LTN1: variants seen among roughly 807,000 people sequenced by gnomAD.
LTN1 encodes the protein E3 ubiquitin-protein ligase listerin.
A neutral mutation model predicts 201.2 loss-of-function variants in LTN1; 88 were observed. That is an observed-to-expected ratio of 0.44 (90% confidence interval 0.37 to 0.52). The LOEUF (loss-of-function observed/expected upper bound fraction) is 0.52. Ranked by LOEUF, LTN1 falls within the 20% of genes least tolerant of loss-of-function variation. LTN1 has a pLI of 0.00. For synonymous variants in LTN1, 645 were observed against 713.5 expected (o/e 0.90, Z 1.53); for missense variants, 1,752 against 2,038.7 (o/e 0.86, Z 2.71).
In LTN1 at chr21:28,957,455, A is replaced by T; in HGVS notation, c.2769T>A (p.Ala923=). The T allele has an allele frequency of 6.4e-7, 1 of 1,574,604 alleles. No individual in the cohort carries two copies. Among genetic ancestry groups the T allele is most frequent in the Admixed American group, 2.0e-5 (1 of 49,670 alleles). The change falls in exon 15 of 30, where the codon GCT becomes GCA. Residue 923 remains alanine (A), a synonymous_variant. Transcript: ENST00000361371. ...GAAGTGTATTTAGCAAATCATCAAC[A>T]GCAGACAAGAGGACTTGGAGACTAA... ...DINSLQVLLS[A]VDDLLNTLLE...
Position 28,969,535 on chromosome 21 carries a change from T to C in LTN1, c.1242A>G (p.Glu414=). 2 of 1,612,580 alleles carry C rather than the reference T, an allele frequency of 1.2e-6. No homozygotes were observed. Among genetic ancestry groups the C allele is most frequent in the Non-Finnish European group, 1.7e-6 (2 of 1,179,112 alleles). The change falls in exon 9 of 30, where the codon GAA becomes GAG. Residue 414 remains glutamate, a synonymous_variant. Coordinates refer to ENST00000361371, the MANE Select transcript of LTN1 (RefSeq NM_015565.3). ...TTTGCTGCATTATAAAACGTAAGCA[T>C]TCAAAAAAAGCAGATATTACTGCCG... ...ESSAVISAFF[E]CLRFIMQQNL...
At position 28,944,538 on chromosome 21, in the gene LTN1, A is replaced by T; in HGVS notation, c.3827T>A (p.Val1276Asp). 6.2e-7 allele frequency: 1 copy of T among 1,614,064 alleles called. No individual in the cohort carries two copies. ...GAGGTCACAGGCCAAATCACAGCTG[A>T]CACAGGCAAACAGTTGCACAAGTGG... Reference protein sequence around the residue: ...SIPLVQLFACVSCDLACDLSA... With the variant: ...SIPLVQLFACDSCDLACDLSA... Residue 1276 changes from valine to aspartate, a missense_variant, in exon 22 of 30, where the codon GTC becomes GAC. Transcript: ENST00000361371.
At chr21:28,966,000 T>G (rs1301677951) in intron 10 of LTN1, 94 bp from the exon 11 acceptor site, 3 of 785,456 alleles carry the variant, frequency 3.8e-6, no homozygotes, top group Non-Finnish European at 2.1e-6. Flanking sequence ...CTAGAACTCA[T>G]GGGCTCAAGC....
chr21:28,969,520 T>A lies in LTN1; in HGVS notation c.1257A>T (p.Ile419=). The A allele has an allele frequency of 1.2e-6, 2 of 1,612,922 alleles. No homozygotes were observed. The highest frequency in any genetic ancestry group is 1.7e-6 in the Non-Finnish European group (2 of 1,179,396). ...CTTCCTCACCTAAGTTTTGCTGCATTATAAAACGTAAGCATTCAAAAAAAG... is the reference window on the plus strand; with the variant it reads ...CTTCCTCACCTAAGTTTTGCTGCATAATAAAACGTAAGCATTCAAAAAAAG... ...ISAFFECLRF[I]MQQNLGEEEI... is the part of the protein sequence containing the mutation. Residue 419 remains isoleucine (I), a synonymous_variant, in exon 9 of 30, where the codon ATA becomes ATT. Transcript: ENST00000361371.
chr21:28,982,671 A>C (rs1295784287), intron 4 of LTN1, among the ~76,000 whole-genome samples: 1 of 152,192 alleles, frequency 6.6e-6, no homozygotes, highest in Admixed American at 6.5e-5. Context: ...GAGATAAATT[A>C]GGCTCTGCTT....
chr21:28,956,421 C>T (rs913210283), intron 16 of LTN1, among the ~76,000 whole-genome samples: 12 of 151,968 alleles, frequency 7.9e-5, no homozygotes, highest in African/African-American at 2.7e-4. Flanking sequence ...TTTTAATCAA[C>T]AGAAAATTCT....
At chr21:28,937,160 T>A (rs2084263162) in intron 25 of LTN1, among the ~76,000 whole-genome samples, 1 of 152,182 alleles carries the variant, frequency 6.6e-6, no homozygotes, top group South Asian at 2.1e-4. Flanking sequence ...AAATATGGAT[T>A]TCTGATTTCT....
chr21:28,935,127 T>G lies in LTN1; in HGVS notation c.4857A>C (p.Gln1619His), dbSNP rs769853275. ...TACTAACCGTCATGCCATTAAATAG[T>G]TGTGTACTTGTTTGTACAGAAGATA... is the stretch of plus-strand genomic sequence containing the variant. ...QEISSVQTST[Q>H]LFNGMTVKAR... Residue 1619 changes from glutamine (Q) to histidine (H), a missense_variant, in exon 27 of 30, where the codon CAA (glutamine) becomes CAC (histidine). By Grantham distance (24) the Gln-to-His change is conservative. Around this residue, in one of 3 missense-constraint regions of LTN1, gnomAD observed 261 missense variants for 350.1 expected, o/e 0.75. Coordinates refer to ENST00000361371, the MANE Select transcript of LTN1 (RefSeq NM_015565.3). 1 of 1,609,302 alleles carries G rather than the reference T, an allele frequency of 6.2e-7. No individual in the cohort carries two copies. The highest frequency in any genetic ancestry group is 1.1e-5 in the South Asian group (1 of 90,982).
chr21:28,979,797 C>A (rs1410062571), intron 6 of LTN1, among the ~76,000 whole-genome samples: 1 of 152,074 alleles, frequency 6.6e-6, no homozygotes, highest in Non-Finnish European at 1.5e-5. Context: ...TGGTGAAACC[C>A]TGTCTCTACT....
chr21:28,946,720 T>C (rs558918718), intron 19 of LTN1, among the ~76,000 whole-genome samples: 73 of 152,312 alleles, frequency 4.8e-4, no homozygotes, highest in African/African-American at 1.7e-3. Flanking sequence ...GTACATGTGG[T>C]AAACTCTGAT....
chr21:28,988,517 T>C (rs1482083100), intron 1 of LTN1, among the ~76,000 whole-genome samples: 1 of 151,862 alleles, frequency 6.6e-6, no homozygotes, highest in Non-Finnish European at 1.5e-5. Context: ...TTTGGAAAAT[T>C]CATCTGACAA....
intron 11 of LTN1, chr21:28,964,848 T>C: frequency 1.4e-6 from 2 of 1,412,538 alleles, no homozygotes; most frequent in East Asian, 5.3e-5. Context: ...ATCAAGGAGC[T>C]TTCTGATAAT....
In LTN1 at chr21:28,968,858, C is replaced by T. The variant is rs371760213; in HGVS notation, c.1311+608G>A. On this transcript the variant is annotated intron_variant, in intron 9 of 29. Coordinates refer to ENST00000361371, the MANE Select transcript of LTN1 (RefSeq NM_015565.3). ...CCAACCTCAGGTGATCCACCCACCT[C>T]GGCCTTCCAAAGTGCTGGGATTACA... Among the ~76,000 whole-genome samples the T allele has an allele frequency of 4.3e-4, 66 of 151,850 alleles. 1 individual carries two copies. The highest frequency in any genetic ancestry group is 1.5e-3 in the African/African-American group (64 of 41,508).
intron 11 of LTN1, chr21:28,964,879 G>T: frequency 7.3e-7 from 1 of 1,361,724 alleles, no homozygotes. Flanking sequence ...ATGTAACTTG[G>T]CTACAGGGAG....
At position 28,958,525 on chromosome 21, in the gene LTN1, T is replaced by C; in HGVS notation, c.2608A>G (p.Lys870Glu). The change falls in exon 14 of 30, where the codon AAA (lysine) becomes GAA (glutamate). Residue 870 changes from lysine to glutamate, a missense_variant. By Grantham distance (56) the Lys-to-Glu change is moderately conservative. Coordinates refer to ENST00000361371, the MANE Select transcript of LTN1 (RefSeq NM_015565.3). ...CCAGAGAGCCAAGTATTTTTCAGTT[T>C]ACAGATAAGAAAATCTAAAATCAAG... ...KTHLPDFLICKLKNTWLSGVN... is the reference protein window; with the variant it reads ...KTHLPDFLICELKNTWLSGVN... 1 of 1,597,136 alleles carries C rather than the reference T, an allele frequency of 6.3e-7. No individual in the cohort carries two copies. Among genetic ancestry groups the C allele is most frequent in the Admixed American group, 1.8e-5 (1 of 55,492 alleles).
At chr21:28,984,558 A>C in intron 4 of LTN1, 134 bp downstream of exon 4, 1 of 565,400 alleles carries the variant, frequency 1.8e-6, no homozygotes, top group Non-Finnish European at 3.0e-6. Context: ...CAGAATTTTA[A>C]AAAGGCAACC....
In LTN1 at chr21:28,986,078, C is replaced by G. The variant is rs1292873202; in HGVS notation, c.345+61G>C. ...AAATCAACATTATAAATTTGAGAGT[C>G]TCCATGACTCCAACCAAAAAATATA... On this transcript the variant is annotated intron_variant, in intron 3 of 29. Coordinates refer to ENST00000361371, the MANE Select transcript of LTN1 (RefSeq NM_015565.3). This position sits in a 1 kb window ranked among gnomAD's most constrained non-coding sequence, Gnocchi z 4.1. 2.3e-6 allele frequency: 2 copies of G among 866,454 alleles called. No individual in the cohort carries two copies. The highest frequency in any genetic ancestry group is 3.9e-6 in the Non-Finnish European group (2 of 516,122). The allele number at this position is 866,454 out of a possible 1,614,324, so 53.7% of individuals were successfully genotyped here.
At chr21:28,940,213 T>C (rs1297945095) in intron 25 of LTN1, among the ~76,000 whole-genome samples, 1 of 152,216 alleles carries the variant, frequency 6.6e-6, no homozygotes, top group Admixed American at 6.5e-5. Flanking sequence ...AGGGTCTGGC[T>C]CTGTCGCCCA....
chr21:28,976,973 T>C (rs1161509120), intron 6 of LTN1, among the ~76,000 whole-genome samples: 1 of 152,160 alleles, frequency 6.6e-6, no homozygotes, highest in Non-Finnish European at 1.5e-5. Context: ...CAGGCTGGTC[T>C]CAAACTCCTG....
Sources: allele counts gnomAD v4.1 joint callset (sites outside exome capture counted in the v4.1 genomes callset), GRCh38; gene constraint gnomAD v4.1.1; regional missense constraint gnomAD v4.1.1; non-coding constraint Gnocchi (gnomAD v3.1); transcripts MANE v1.5; gene names NCBI Gene and HGNC (gene_info 2026-07-23, HGNC 2026-07-21).